ZFP2: variants seen among roughly 807,000 people sequenced by gnomAD.
The protein encoded by ZFP2 is ZFP2 zinc finger protein.
Under a neutral mutation model 36.1 loss-of-function variants are expected in ZFP2, and 33 were observed. The observed-to-expected ratio is 0.92, with a 90% CI of 0.69 to 1.22. The LOEUF is 1.22. Among genes scored for constraint, ZFP2 ranks in the 50% most tolerant of loss-of-function variants. The pLI is 0.00. For synonymous variants in ZFP2, 170 were observed against 178.0 expected, an observed-to-expected ratio of 0.96 and a Z score of 0.36; for missense variants, 522 against 551.4, an observed-to-expected ratio of 0.95 and a Z score of 0.53.
chr5:178,919,611 T>C (rs528907911), intron 4 of ZFP2, among the ~76,000 whole-genome samples: 6 of 152,272 alleles, frequency 3.9e-5, no homozygotes, highest in African/African-American at 1.4e-4. Flanking sequence ...TGCCACCAAG[T>C]AGTGTATCAA....
In ZFP2 at chr5:178,932,444, T is replaced by C. The variant is rs1758870608; in HGVS notation, c.1131T>C (p.Thr377=). ...SSLTVHQVIH[T]GEKPYECNEC... is the part of the protein sequence containing the mutation. ...TTACCGTGCATCAGGTCATTCACAC[T>C]GGAGAGAAACCTTATGAGTGCAATG... Residue 377 remains threonine, a synonymous_variant, in exon 5 of 5, where the codon ACT becomes ACC. Transcript: ENST00000361362. 1 of 1,614,000 alleles carries C rather than the reference T, an allele frequency of 6.2e-7. No homozygotes were observed. The highest frequency in any genetic ancestry group is 2.2e-5 in the East Asian group (1 of 44,882).
At chr5:178,927,127 G>C (rs1359815410) in intron 4 of ZFP2, among the ~76,000 whole-genome samples, 1 of 152,116 alleles carries the variant, frequency 6.6e-6, no homozygotes, top group Non-Finnish European at 1.5e-5. Context: ...TAAGAAATAG[G>C]ATCTAAGAAA....
At position 178,904,696 on chromosome 5, in the gene ZFP2, C is replaced by CTTTTTT. The variant is rs1195032566; in HGVS notation, c.-449-7871_-449-7866dup. On this transcript the variant is annotated intron_variant, in intron 1 of 4. Coordinates refer to ENST00000361362, the MANE Select transcript of ZFP2 (RefSeq NM_030613.4). ...ATTTGTTGTCTCAGAATTCATTTTG[C>CTTTTTT]TTTTTTTTTTTTTTTTTTTTTTGAG... is the stretch of plus-strand genomic sequence containing the variant. Among the ~76,000 whole-genome samples the CTTTTTT allele has an allele frequency of 7.4e-4, 66 of 88,646 alleles. 1 individual carries two copies. The highest frequency in any genetic ancestry group is 1.0e-3 in the East Asian group (3 of 2,918). 58.2% of individuals were successfully genotyped at this position (88,646 alleles called of 152,430 possible).
chr5:178,909,022 A>G (rs1014459204), intron 1 of ZFP2, among the ~76,000 whole-genome samples: 1 of 151,558 alleles, frequency 6.6e-6, no homozygotes, highest in African/African-American at 2.4e-5. Context: ...CCCAGGGCGT[A>G]AAACCCCTCG....
At position 178,916,581 on chromosome 5, in the gene ZFP2, C is replaced by T. The variant is rs564059667; in HGVS notation, c.-207C>T. On this transcript the variant is annotated 5_prime_UTR_variant, in exon 4 of 5. Coordinates refer to ENST00000361362, the MANE Select transcript of ZFP2 (RefSeq NM_030613.4). The stretch of plus-strand genomic sequence containing the variant: ...TCTTTCCAGATTTTCTTGGATATTG[C>T]TGTCAGATTAATCTGACATTTAGTC... 123 of 985,318 alleles carry T rather than the reference C, an allele frequency of 1.2e-4. 1 individual carries two copies. The highest frequency in any genetic ancestry group is 1.2e-3 in the South Asian group (26 of 21,282). The allele number at this position is 985,318 out of a possible 1,614,324, so 61.0% of individuals were successfully genotyped here.
At chr5:178,909,811 C>A in intron 1 of ZFP2, 1 of 1,593,378 alleles carries the variant, frequency 6.3e-7, no homozygotes, top group South Asian at 1.1e-5. Context: ...ACAAAGGTGT[C>A]GAAGAGATTT....
At chr5:178,914,555 T>C (rs1350461344) in intron 3 of ZFP2, among the ~76,000 whole-genome samples, 1 of 152,188 alleles carries the variant, frequency 6.6e-6, no homozygotes, top group Non-Finnish European at 1.5e-5. Flanking sequence ...CAAATATCTA[T>C]TGAGTACTAT....
At chr5:178,910,449 C>G (rs573123045) in intron 1 of ZFP2, 9 of 727,774 alleles carry the variant, frequency 1.2e-5, no homozygotes, top group African/African-American at 1.0e-4. Context: ...GTCCCATTGA[C>G]AAGGCTATCT....
intron 1 of ZFP2, among the ~76,000 whole-genome samples, chr5:178,911,656 T>C (rs1347153774): frequency 6.6e-6 from 1 of 152,250 alleles, no homozygotes; most frequent in East Asian, 1.9e-4. Flanking sequence ...GATTTTAGAC[T>C]GTGAGGGAGG....
In ZFP2 at chr5:178,933,104, G is replaced by C. The variant is rs1465249874; in HGVS notation, c.*405G>C. On this transcript the variant is annotated 3_prime_UTR_variant, in exon 5 of 5. Transcript: ENST00000361362. Reference sequence around the variant, plus strand: ...TGGACAACTTGCCTACTTCCACCAGGTTATGGTTCTTTATTTGGTAAATGA... The same window carrying C: ...TGGACAACTTGCCTACTTCCACCAGCTTATGGTTCTTTATTTGGTAAATGA... 1 of 173,540 alleles carries C rather than the reference G, an allele frequency of 5.8e-6. No individual in the cohort carries two copies. Among genetic ancestry groups the C allele is most frequent in the Non-Finnish European group, 1.4e-5 (1 of 72,354 alleles). 10.8% of individuals were successfully genotyped at this position (173,540 alleles called of 1,614,324 possible).
intron 1 of ZFP2, among the ~76,000 whole-genome samples, chr5:178,899,666 A>G (rs1758013263): frequency 6.6e-6 from 1 of 152,176 alleles, no homozygotes; most frequent in Non-Finnish European, 1.5e-5. Flanking sequence ...TTTCCTAGGA[A>G]AAAGTAGTGT....
At position 178,921,989 on chromosome 5, in the gene ZFP2, A is replaced by AT. The variant is rs1758570357; in HGVS notation, c.-78+5281dup. ...AAACATAGGTCACAGATTATGGGCC[A>AT]TTCTTATTTACTGTAAAAACATTTA... On this transcript the variant is annotated intron_variant, in intron 4 of 4. Transcript: ENST00000361362. The AT allele has an allele frequency of 6.5e-6, 4 of 615,732 alleles. 1 individual carries two copies. The highest frequency in any genetic ancestry group is 6.0e-6 in the Non-Finnish European group (2 of 331,944). 38.1% of individuals were successfully genotyped at this position (615,732 alleles called of 1,614,324 possible). A position where few individuals can be genotyped will look rare whatever the true frequency, so the allele number is the denominator to read the frequency against.
rs909896835 is a variant in ZFP2, at chr5:178,922,448, T to A, written c.-78+5738T>A. 5.1e-6 allele frequency: 7 copies of A among 1,380,292 alleles called. 2 individuals are homozygous for A. The highest frequency in any genetic ancestry group is 7.2e-6 in the Non-Finnish European group (7 of 969,196). The allele number at this position is 1,380,292 out of a possible 1,614,324, so 85.5% of individuals were successfully genotyped here. ...TACTTTTACTATTGTGCCTTACTTA[T>A]GTTTGTTAGGACCAAACCTCAAAGC... On this transcript the variant is annotated intron_variant, in intron 4 of 4. Transcript: ENST00000361362.
chr5:178,916,818 G>A, intron 4 of ZFP2, 108 bp downstream of exon 4: 1 of 823,948 alleles, frequency 1.2e-6, no homozygotes, highest in Non-Finnish European at 1.5e-6. Context: ...TTTACTTTGA[G>A]TTTAATGGTA....
In ZFP2 at chr5:178,931,868, C is replaced by T; in HGVS notation, c.555C>T (p.Pro185=). ...VHQRTHTGEK[P]YQCKECGKAF... is the part of the protein sequence containing the mutation. ...AACGAACTCACACCGGAGAGAAACC[C>T]TATCAGTGTAAAGAGTGTGGCAAAG... Residue 185 remains proline, a synonymous_variant, in exon 5 of 5, where the codon CCC becomes CCT. Coordinates refer to ENST00000361362, the MANE Select transcript of ZFP2 (RefSeq NM_030613.4). 6.2e-7 allele frequency: 1 copy of T among 1,612,764 alleles called. No homozygotes were observed. Among genetic ancestry groups the T allele is most frequent in the African/African-American group, 1.3e-5 (1 of 75,004 alleles).
In ZFP2 at chr5:178,932,307, G is replaced by A; in HGVS notation, c.994G>A (p.Gly332Arg). The A allele has an allele frequency of 1.2e-6, 2 of 1,614,196 alleles. No homozygotes were observed. The highest frequency in any genetic ancestry group is 1.7e-6 in the Non-Finnish European group (2 of 1,180,026). The change falls in exon 5 of 5, where the codon GGA becomes AGA. Residue 332 changes from glycine (G) to arginine (R), a missense_variant. Transcript: ENST00000361362. ...AAAACCTTTTGAATGTAACGAGTGT[G>A]GAAAAGCTTTCAGTAAGAATTCATC... is the stretch of plus-strand genomic sequence containing the variant. ...GVKPFECNECGKAFSKNSSLT... is the reference protein window; with the variant it reads ...GVKPFECNECRKAFSKNSSLT...
intron 1 of ZFP2, chr5:178,909,728 C>T (rs1257685707): frequency 6.5e-7 from 1 of 1,541,318 alleles, no homozygotes. Context: ...CCTCAGGACA[C>T]AAGCCCTCGG....
intron 3 of ZFP2, among the ~76,000 whole-genome samples, chr5:178,915,468 C>T (rs925305134): frequency 9.9e-5 from 15 of 151,430 alleles, no homozygotes; most frequent in African/African-American, 3.2e-4. Context: ...TGCACACTGC[C>T]GTGCCCGGCT....
intron 1 of ZFP2, among the ~76,000 whole-genome samples, chr5:178,896,611 T>A (rs1461113499): frequency 6.6e-6 from 1 of 152,212 alleles, no homozygotes; most frequent in African/African-American, 2.4e-5. Context: ...GGGAATCTTT[T>A]CTTTTTTTCC....
Sources: allele counts gnomAD v4.1 joint callset (sites outside exome capture counted in the v4.1 genomes callset), GRCh38; gene constraint gnomAD v4.1.1; transcripts MANE v1.5; gene names NCBI Gene and HGNC (gene_info 2026-07-23, HGNC 2026-07-21).